Variants in S100A1 observed in about 807,000 individuals in gnomAD.
The protein encoded by S100A1 is S100 calcium binding protein A1, also known as protein S100-A1.
In S100A1, 3 loss-of-function variants were observed where a neutral mutation model predicts 7.6. The observed-to-expected ratio is 0.40, with a 90% CI of 0.18 to 1.02. The LOEUF is 1.02. Among genes scored for constraint, S100A1 ranks in the 50% least tolerant of loss-of-function variants. S100A1 has a pLI of 0.35. For synonymous variants in S100A1, 49 were observed against 49.0 expected (o/e 1.00, Z 0.00); for missense variants, 126 against 115.0 (o/e 1.10, Z -0.44).
chr1:153,631,316 T>G (rs947619978), intron 2 of S100A1: 3 of 765,694 alleles, frequency 3.9e-6, no homozygotes, highest in African/African-American at 3.5e-5. Flanking sequence ...TTTCTAGCTG[T>G]GGGACTTTGG....
chr1:153,628,626 G>A lies in S100A1; in HGVS notation c.-14+130G>A, dbSNP rs562743076. 1.8e-5 allele frequency: 26 copies of A among 1,414,970 alleles called. No individual in the cohort carries two copies. In the South Asian group the frequency reaches 3.7e-4, roughly 20 times the overall value. The allele number at this position is 1,414,970 out of a possible 1,614,324, so 87.7% of individuals were successfully genotyped here. A position where few individuals can be genotyped will look rare whatever the true frequency, so the allele number is the denominator to read the frequency against. ...TGAGGATCTGGGAGGAGTCAGTCAG[G>A]GTGAGGGCAGTTTGGGATTTGGGGG... On this transcript the variant is annotated intron_variant, in intron 1 of 2. Coordinates refer to ENST00000292169, the MANE Select transcript of S100A1 (RefSeq NM_006271.2).
At chr1:153,630,301 C>T in intron 1 of S100A1, 1 of 602,496 alleles carries the variant, frequency 1.7e-6, no homozygotes. Flanking sequence ...GGGGTACAGA[C>T]TGAGGGACAC....
intron 2 of S100A1, 100 bp from the exon 3 acceptor site, chr1:153,631,598 T>G: frequency 6.2e-7 from 1 of 1,613,844 alleles, no homozygotes; most frequent in Admixed American, 1.7e-5. Flanking sequence ...GCAGTTCCTC[T>G]CGCTCATCTT....
intron 2 of S100A1, chr1:153,631,237 C>T: frequency 1.9e-6 from 1 of 538,682 alleles, no homozygotes; most frequent in South Asian, 2.4e-5. Flanking sequence ...AAAGAAGCCT[C>T]AGGATACGGT....
chr1:153,631,533 G>A (rs2101643972), intron 2 of S100A1, 165 bp from the exon 3 acceptor site: 1 of 1,613,816 alleles, frequency 6.2e-7, no homozygotes, highest in Non-Finnish European at 8.5e-7. Flanking sequence ...TATGCTGTAG[G>A]CAACAGAAGC....
chr1:153,631,471 G>C (rs760830172), intron 2 of S100A1: 1 of 1,590,236 alleles, frequency 6.3e-7, no homozygotes, highest in South Asian at 1.1e-5. Context: ...TATAGGCACT[G>C]AACATACGGT....
intron 1 of S100A1, chr1:153,630,139 G>A: frequency 2.9e-6 from 1 of 348,724 alleles, no homozygotes; most frequent in Non-Finnish European, 5.2e-6. Flanking sequence ...AGAGCCAGAG[G>A]AAGCATGGCC....
Position 153,630,608 on chromosome 1 carries a change from G to A in S100A1, c.87G>A (p.Leu29=). The change falls in exon 2 of 3, where the codon CTG becomes CTA. Residue 29 remains leucine, a synonymous_variant. Transcript: ENST00000292169. The part of the protein sequence containing the change: ...HSGKEGDKYK[L]SKKELKELLQ... ...GCAAAGAGGGGGACAAGTACAAGCT[G>A]AGCAAGAAGGAGCTGAAAGAGCTGC... 1 of 1,614,274 alleles carries A rather than the reference G, an allele frequency of 6.2e-7. No individual in the cohort carries two copies. Among genetic ancestry groups the A allele is most frequent in the Non-Finnish European group, 8.5e-7 (1 of 1,180,050 alleles).
At position 153,632,025 on chromosome 1, in the gene S100A1, C is replaced by A; in HGVS notation, c.*184C>A. The A allele has an allele frequency of 1.6e-6, 1 of 632,548 alleles. No individual in the cohort carries two copies. The highest frequency in any genetic ancestry group is 2.0e-5 in the South Asian group (1 of 50,200). 39.2% of individuals were successfully genotyped at this position (632,548 alleles called of 1,614,324 possible). A position where few individuals can be genotyped will look rare whatever the true frequency, so the allele number is the denominator to read the frequency against. On this transcript the variant is annotated 3_prime_UTR_variant, in exon 3 of 3. Coordinates refer to ENST00000292169, the MANE Select transcript of S100A1 (RefSeq NM_006271.2). ...GCAACTCATCTTTCATTAAAGGCTTCTCTCTCACCAGCCATCCGATGTCTG... is the reference window on the plus strand; with the variant it reads ...GCAACTCATCTTTCATTAAAGGCTTATCTCTCACCAGCCATCCGATGTCTG...
intron 1 of S100A1, chr1:153,628,870 A>T: frequency 4.1e-6 from 1 of 245,536 alleles, no homozygotes; most frequent in Admixed American, 4.8e-5. Flanking sequence ...CCTGTGGGGT[A>T]AGAAGAGAGC....
intron 2 of S100A1, 187 bp from the exon 3 acceptor site, chr1:153,631,511 G>T (rs1234374684): frequency 6.2e-7 from 1 of 1,612,798 alleles, no homozygotes; most frequent in Non-Finnish European, 8.5e-7. Flanking sequence ...CATTCTGCCA[G>T]GTGAAAGAGC....
At chr1:153,631,135 AAAG>A (rs1230372352) in intron 2 of S100A1, 2 of 314,900 alleles carry the variant, frequency 6.4e-6, no homozygotes, top group East Asian at 1.2e-4. Flanking sequence ...AGCATGGGAG[AAAG>A]AAGAATGTGG....
chr1:153,631,157 A>G, intron 2 of S100A1: 1 of 355,750 alleles, frequency 2.8e-6, no homozygotes, highest in Non-Finnish European at 5.1e-6. Context: ...GGAGCATGTC[A>G]GTAGTTTCAT....
At chr1:153,630,800 T>C (rs1037069388) in intron 2 of S100A1, 138 bp downstream of exon 2, 26 of 1,197,532 alleles carry the variant, frequency 2.2e-5, no homozygotes, top group Admixed American at 5.6e-5. Context: ...CTCTCCTGGG[T>C]TTTTCCAGGC....
intron 2 of S100A1, chr1:153,631,218 C>A (rs1473936675): frequency 2.0e-6 from 1 of 499,144 alleles, no homozygotes; most frequent in South Asian, 2.7e-5. Flanking sequence ...CTAACCAGGG[C>A]CCCAAAGTAA....
intron 1 of S100A1, 151 bp from the exon 2 acceptor site, chr1:153,630,358 T>G: frequency 9.9e-7 from 1 of 1,005,766 alleles, no homozygotes; most frequent in Non-Finnish European, 1.4e-6. Context: ...CCTCACATTG[T>G]AAAATCTCAG....
intron 1 of S100A1, chr1:153,628,922 T>A: frequency 5.8e-6 from 1 of 173,286 alleles, no homozygotes; most frequent in East Asian, 1.6e-4. Context: ...CCTGCCAGCC[T>A]TAGTCTCTGC....
In S100A1 at chr1:153,631,799, T is replaced by C; in HGVS notation, c.243T>C (p.Ala81=). 4 of 1,614,134 alleles carry C rather than the reference T, an allele frequency of 2.5e-6. No homozygotes were observed. The highest frequency in any genetic ancestry group is 2.2e-5 in the East Asian group (1 of 44,882). Residue 81 remains alanine, a synonymous_variant, in exon 3 of 3, where the codon GCT becomes GCC. Transcript: ENST00000292169. ...AGGAGTATGTGGTGCTTGTGGCTGC[T>C]CTCACAGTGGCCTGTAACAATTTCT... ...DFQEYVVLVA[A]LTVACNNFFW...
intron 1 of S100A1, chr1:153,628,806 C>G: frequency 5.1e-6 from 2 of 392,264 alleles, no homozygotes; most frequent in Non-Finnish European, 9.3e-6. Context: ...CCTGCCAAGG[C>G]CCCCTCTGTC....
Sources: gnomAD v4.1 joint callset for allele counts on GRCh38, gnomAD v4.1.1 for gene constraint, MANE v1.5 for transcripts, NCBI Gene and HGNC (gene_info 2026-07-23, HGNC 2026-07-21) for gene names.